The following R3HDM2 variants were observed in gnomAD, a reference collection of about 807,000 sequenced individuals.
R3HDM2 encodes the protein R3H domain containing 2, also known as R3H domain-containing protein 2.
R3HDM2 carries 38 observed loss-of-function variants against 124.5 expected under a neutral mutation model. The ratio of observed to expected loss-of-function variants is 0.31; its 90% CI spans 0.24 to 0.40. R3HDM2 has a LOEUF of 0.40. Ranked by LOEUF, R3HDM2 falls within the 10% of genes least tolerant of loss-of-function variation. R3HDM2 has a pLI of 1.00. For missense variants in R3HDM2, 869 were observed against 1,236.9 expected (o/e 0.70, Z 4.46); for synonymous variants, 391 against 448.0 (o/e 0.87, Z 1.61).
In R3HDM2 at chr12:57,256,004, C is replaced by T; in HGVS notation, c.2618G>A (p.Gly873Glu). 6.2e-7 allele frequency: 1 copy of T among 1,613,316 alleles called. No homozygotes were observed. The highest frequency in any genetic ancestry group is 8.5e-7 in the Non-Finnish European group (1 of 1,179,558). Residue 873 changes from glycine (G) to glutamate (E), a missense_variant, in exon 23 of 24, where the codon GGG becomes GAG. Transcript: ENST00000402412. ...CCGTGACTCACCAACATCTGCTGTC[C>T]CCAGGTCAGTGGAGGCAGATTTGAG... Reference protein sequence around the residue: ...QALKSASTDLGTADVVLGRVL... With the variant: ...QALKSASTDLETADVVLGRVL...
chr12:57,255,125 G>T lies in R3HDM2; in HGVS notation c.2633-12C>A. 1 of 1,564,534 alleles carries T rather than the reference G, an allele frequency of 6.4e-7. No individual in the cohort carries two copies. Among genetic ancestry groups the T allele is most frequent in the South Asian group, 1.2e-5 (1 of 82,070 alleles). ...CACCCGCCCCAGGACTGGAAGGGGA[G>T]GAGAGAGGACATGGTTGTGAGAGGA... On this transcript the variant is annotated splice_polypyrimidine_tract_variant and intron_variant, in intron 23 of 23. Transcript: ENST00000402412.
rs1458282659 is a variant in R3HDM2 at position 57,298,230 on chromosome 12, CT to C, written c.422-63del. 2.2e-5 allele frequency: 28 copies of C among 1,290,364 alleles called. No individual in the cohort carries two copies. In the East Asian group the frequency reaches 7.1e-4, roughly 33 times the overall value. 79.9% of individuals were successfully genotyped at this position (1,290,364 alleles called of 1,614,324 possible). ...AAACTGCTTTGCATGCTATCTAATC[CT>C]AAGCAGAAGTCCACAACCTAACCAG... On this transcript the variant is annotated intron_variant, in intron 6 of 23. Transcript: ENST00000402412.
chr12:57,358,545 T>C (rs932639086), intron 2 of R3HDM2, among the ~76,000 whole-genome samples: 4 of 150,920 alleles, frequency 2.7e-5, no homozygotes, highest in Admixed American at 6.6e-5. Context: ...TTCAGAGGCT[T>C]AGGCAGGAGA....
chr12:57,303,192 G>A lies in R3HDM2; in HGVS notation c.191C>T (p.Ala64Val), dbSNP rs2138805062. The A allele has an allele frequency of 1.3e-6, 2 of 1,531,070 alleles. No individual in the cohort carries two copies. Among genetic ancestry groups the A allele is most frequent in the East Asian group, 2.5e-5 (1 of 40,816 alleles). The allele number at this position is 1,531,070 out of a possible 1,614,324, so 94.8% of individuals were successfully genotyped here. The change falls in exon 4 of 24, where the codon GCC (alanine) becomes GTC (valine). Residue 64 changes from alanine to valine, a missense_variant. Transcript: ENST00000402412. The part of the protein sequence containing the change: ...TQRRTSNHGH[A>V]RKRAKSNSKL... ...GGCTCTCACCTTGGCTCTTTTCCTG[G>A]CATGACCATGGTTAGATGTCCGCCT...
At chr12:57,340,742 A>G (rs1382676739) in intron 2 of R3HDM2, among the ~76,000 whole-genome samples, 1 of 152,204 alleles carries the variant, frequency 6.6e-6, no homozygotes, top group African/African-American at 2.4e-5. Flanking sequence ...TTTTCCACAT[A>G]TGTTACCTAA....
At chr12:57,338,774 C>T (rs898196801) in intron 2 of R3HDM2, among the ~76,000 whole-genome samples, 7 of 151,096 alleles carry the variant, frequency 4.6e-5, no homozygotes, top group Non-Finnish European at 8.8e-5. Context: ...TACATGTGAT[C>T]TGAAGACACA....
At chr12:57,355,975 A>G (rs1401034361) in intron 2 of R3HDM2, among the ~76,000 whole-genome samples, 1 of 152,170 alleles carries the variant, frequency 6.6e-6, no homozygotes, top group Admixed American at 6.5e-5. Context: ...TATACATTTT[A>G]TGATACTCTA....
chr12:57,326,080 T>C (rs1182616499), intron 2 of R3HDM2, among the ~76,000 whole-genome samples: 1 of 152,198 alleles, frequency 6.6e-6, no homozygotes, highest in Non-Finnish European at 1.5e-5. Flanking sequence ...ACTGTGCCCA[T>C]GTAAGACAGT....
At chr12:57,362,608 C>A (rs1056801167) in intron 2 of R3HDM2, among the ~76,000 whole-genome samples, 1 of 152,150 alleles carries the variant, frequency 6.6e-6, no homozygotes, top group African/African-American at 2.4e-5. Flanking sequence ...CCCTAACCCC[C>A]ACATTGTTCA....
chr12:57,266,441 C>T (rs182527645), intron 19 of R3HDM2, among the ~76,000 whole-genome samples: 61 of 152,206 alleles, frequency 4.0e-4, no homozygotes, highest in African/African-American at 1.4e-3. Context: ...GCTATGTTGC[C>T]CAGGCTGGTC....
rs1051760934 is a variant in R3HDM2 at position 57,280,634 on chromosome 12, T to C, written c.1172-104A>G. 5 of 1,042,718 alleles carry C rather than the reference T, an allele frequency of 4.8e-6. No homozygotes were observed. In the African/African-American group the frequency reaches 6.5e-5, roughly 14 times the overall value. 64.6% of individuals were successfully genotyped at this position (1,042,718 alleles called of 1,614,324 possible). On this transcript the variant is annotated intron_variant, in intron 13 of 23. Coordinates refer to ENST00000402412, the MANE Select transcript of R3HDM2 (RefSeq NM_001394031.1). ...CTCTACTTTTTCTTTGCCTTTCCTCTTTATTCCCTTTTGTCCCCTCCCCCA... is the reference window on the plus strand; with the variant it reads ...CTCTACTTTTTCTTTGCCTTTCCTCCTTATTCCCTTTTGTCCCCTCCCCCA...
chr12:57,325,513 C>A (rs560565909), intron 2 of R3HDM2, among the ~76,000 whole-genome samples: 9 of 152,088 alleles, frequency 5.9e-5, no homozygotes, highest in African/African-American at 1.7e-4. Flanking sequence ...AAACCTAGGC[C>A]CCTGATTAGA....
At chr12:57,317,782 C>A (rs1180807233) in intron 2 of R3HDM2, among the ~76,000 whole-genome samples, 5 of 151,604 alleles carry the variant, frequency 3.3e-5, no homozygotes, top group African/African-American at 1.2e-4. Context: ...CGAGTCCAGC[C>A]TGGCCAGCAT....
intron 2 of R3HDM2, among the ~76,000 whole-genome samples, chr12:57,379,298 A>C (rs2064517256): frequency 6.6e-6 from 1 of 152,204 alleles, no homozygotes; most frequent in African/African-American, 2.4e-5. Context: ...TTGGAAAATG[A>C]GGCCAGATGC....
chr12:57,373,217 C>T (rs1217112517), intron 2 of R3HDM2, among the ~76,000 whole-genome samples: 1 of 152,154 alleles, frequency 6.6e-6, no homozygotes, highest in Non-Finnish European at 1.5e-5. Flanking sequence ...ACAGTAATAA[C>T]AAGCCGGGCG....
At chr12:57,314,881 G>C (rs1333135343) in intron 2 of R3HDM2, among the ~76,000 whole-genome samples, 1 of 151,936 alleles carries the variant, frequency 6.6e-6, no homozygotes, top group South Asian at 2.1e-4. Flanking sequence ...TTTTGTTTTT[G>C]AGACAGGGTT....
chr12:57,294,973 GCC>G (rs1197066674), intron 10 of R3HDM2, among the ~76,000 whole-genome samples: 1 of 152,198 alleles, frequency 6.6e-6, no homozygotes, highest in African/African-American at 2.4e-5. Flanking sequence ...TTCAAGGCTA[GCC>G]CTAAGCTAGG....
intron 1 of R3HDM2, among the ~76,000 whole-genome samples, chr12:57,425,139 G>A (rs1004562859): frequency 6.6e-6 from 1 of 152,052 alleles, no homozygotes; most frequent in Non-Finnish European, 1.5e-5. Flanking sequence ...AGGTGTGGTG[G>A]CGCATGCCTG....
intron 19 of R3HDM2, among the ~76,000 whole-genome samples, chr12:57,261,697 A>C (rs2137109854): frequency 6.8e-6 from 1 of 146,950 alleles, no homozygotes; most frequent in South Asian, 2.2e-4. Context: ...CTCTTCCTCG[A>C]GCCCAAAGCA....
Sources: allele counts gnomAD v4.1 joint callset (sites outside exome capture counted in the v4.1 genomes callset), GRCh38; gene constraint gnomAD v4.1.1; transcripts MANE v1.5; gene names NCBI Gene and HGNC (gene_info 2026-07-23, HGNC 2026-07-21).